The following RNF121 variants were observed in gnomAD, a reference collection of about 807,000 sequenced individuals.
The protein encoded by RNF121 is E3 ubiquitin ligase RNF121.
Under a neutral mutation model 46.5 loss-of-function variants are expected in RNF121, and 21 were observed. The ratio of observed to expected loss-of-function variants is 0.45; its 90% CI spans 0.32 to 0.65. The LOEUF (loss-of-function observed/expected upper bound fraction) is 0.65. Among genes scored for constraint, RNF121 ranks in the 30% least tolerant of loss-of-function variants. RNF121 has a pLI of 0.04. For missense variants in RNF121, 346 were observed against 416.0 expected (o/e 0.83, Z 1.46); for synonymous variants, 139 against 144.7 (o/e 0.96, Z 0.28).
Position 71,982,818 on chromosome 11 carries a change from T to C in RNF121, c.301T>C (p.Trp101Arg), listed in dbSNP as rs1197960005. Residue 101 changes from tryptophan to arginine, a missense_variant, in exon 4 of 9, where the codon TGG (tryptophan) becomes CGG (arginine). Trp to Arg is a moderately radical substitution (Grantham distance 101, BLOSUM62 -3). This residue lies in a region of RNF121 where 286 missense variants were observed against 383.8 expected (regional missense o/e 0.75). Transcript: ENST00000361756. The stretch of plus-strand genomic sequence containing the variant: ...CCTCTATTTCACAGTGAAGCTGCAC[T>C]GGTGGAGGTTCCTAGTGATCTGGAT... ...VPLYFTVKLH[W>R]WRFLVIWILF... is the part of the protein sequence containing the mutation. 4 of 1,613,728 alleles carry C rather than the reference T, an allele frequency of 2.5e-6. No individual in the cohort carries two copies. The highest frequency in any genetic ancestry group is 3.4e-6 in the Non-Finnish European group (4 of 1,179,876).
intron 1 of RNF121, among the ~76,000 whole-genome samples, chr11:71,941,404 T>A (rs544795903): frequency 6.6e-6 from 1 of 152,390 alleles, no homozygotes. Context: ...GTATTAATTA[T>A]TCATTATTTC....
intron 3 of RNF121, among the ~76,000 whole-genome samples, chr11:71,963,673 T>C (rs1590792261): frequency 6.6e-6 from 1 of 152,176 alleles, no homozygotes; most frequent in East Asian, 1.9e-4. Flanking sequence ...TTGGTCCATT[T>C]TGAGTTTTTG....
intron 1 of RNF121, among the ~76,000 whole-genome samples, chr11:71,946,051 C>T (rs1195971087): frequency 1.3e-5 from 2 of 151,716 alleles, no homozygotes; most frequent in African/African-American, 4.8e-5. Flanking sequence ...GTTGAGGCTG[C>T]AGTGAGTTAT....
chr11:71,929,517 C>T (rs760284394), intron 1 of RNF121, among the ~76,000 whole-genome samples: 3 of 151,830 alleles, frequency 2.0e-5, no homozygotes, highest in African/African-American at 7.3e-5. Flanking sequence ...CTGTCTAAGC[C>T]TAGGGTGGGG....
At chr11:71,931,130 C>T (rs1356225146) in intron 1 of RNF121, among the ~76,000 whole-genome samples, 4 of 152,110 alleles carry the variant, frequency 2.6e-5, no homozygotes, top group African/African-American at 9.7e-5. Flanking sequence ...TCACCGCGCC[C>T]GGCTAAGAAA....
At position 71,929,245 on chromosome 11, in the gene RNF121, T is replaced by C. The variant is rs918785957; in HGVS notation, c.63+121T>C. 9.8e-6 allele frequency: 14 copies of C among 1,429,602 alleles called. No individual in the cohort carries two copies. In the African/African-American group the frequency reaches 1.9e-4, roughly 19 times the overall value. The allele number at this position is 1,429,602 out of a possible 1,614,324, so 88.6% of individuals were successfully genotyped here. On this transcript the variant is annotated intron_variant, in intron 1 of 8. Transcript: ENST00000361756. The stretch of plus-strand genomic sequence containing the variant: ...AGATCCTGAGAGGGAAGGAGCTGAC[T>C]AGGGGGCGGGTGCGTGGAGAGCGAA...
At chr11:71,953,156 C>T (rs1953922094) in intron 1 of RNF121, among the ~76,000 whole-genome samples, 1 of 152,200 alleles carries the variant, frequency 6.6e-6, no homozygotes, top group South Asian at 2.1e-4. Flanking sequence ...GCCTTAGCCT[C>T]CCAAGTAGCT....
chr11:71,929,201 G>A (rs781441390), intron 1 of RNF121, 77 bp downstream of exon 1: 229 of 1,498,200 alleles, frequency 1.5e-4, no homozygotes, highest in Non-Finnish European at 2.0e-4. Flanking sequence ...GGAGGTGGGG[G>A]TCTTAGGAGA....
chr11:71,944,086 C>T (rs890844499), intron 1 of RNF121, among the ~76,000 whole-genome samples: 1 of 152,150 alleles, frequency 6.6e-6, no homozygotes, highest in African/African-American at 2.4e-5. Context: ...AATCCCAGCA[C>T]TTTGGGAGGC....
At chr11:71,934,941 CTTTTTTTTTT>C (rs34428026) in intron 1 of RNF121, among the ~76,000 whole-genome samples, 1 of 135,366 alleles carries the variant, frequency 7.4e-6, no homozygotes, top group Non-Finnish European at 1.6e-5. Context: ...CAAATGCATT[CTTTTTTTTTT>C]TTTTTTTTTT....
intron 1 of RNF121, among the ~76,000 whole-genome samples, chr11:71,954,092 A>G (rs989958661): frequency 6.6e-6 from 1 of 152,174 alleles, no homozygotes; most frequent in Non-Finnish European, 1.5e-5. Context: ...TTATCTTGAG[A>G]GCCTTACCTA....
intron 2 of RNF121, among the ~76,000 whole-genome samples, chr11:71,958,464 T>A (rs565762286): frequency 6.6e-6 from 1 of 152,358 alleles, no homozygotes; most frequent in African/African-American, 2.4e-5. Flanking sequence ...GATAGATTTT[T>A]TTTTTGTCTC....
chr11:71,959,861 C>A (rs1346752131), intron 2 of RNF121, among the ~76,000 whole-genome samples: 3 of 152,150 alleles, frequency 2.0e-5, no homozygotes, highest in Non-Finnish European at 4.4e-5. Context: ...ATCGTTAACT[C>A]CTGACCTCAC....
chr11:71,929,196 TG>T (rs1203106692), intron 1 of RNF121, 72 bp downstream of exon 1: 64 of 1,501,802 alleles, frequency 4.3e-5, no homozygotes, highest in Admixed American at 1.1e-4. Flanking sequence ...TATCGGGAGG[TG>T]GGGGTCTTAG....
chr11:71,984,280 A>G (rs1590810224), intron 4 of RNF121, among the ~76,000 whole-genome samples: 1 of 152,262 alleles, frequency 6.6e-6, no homozygotes, highest in East Asian at 1.9e-4. Context: ...AATAGTAACT[A>G]CTAGCTTTTT....
At chr11:71,950,765 G>A (rs757517118) in intron 1 of RNF121, among the ~76,000 whole-genome samples, 1 of 151,342 alleles carries the variant, frequency 6.6e-6, no homozygotes, top group Non-Finnish European at 1.5e-5. Context: ...CCATTCCCCT[G>A]CCTCAGCCTC....
chr11:71,929,251 G>A, intron 1 of RNF121, 127 bp downstream of exon 1: 1 of 1,428,746 alleles, frequency 7.0e-7, no homozygotes, highest in Non-Finnish European at 9.3e-7. Context: ...TGACTAGGGG[G>A]CGGGTGCGTG....
chr11:71,956,736 T>C (rs894732875), intron 1 of RNF121, among the ~76,000 whole-genome samples: 4 of 152,230 alleles, frequency 2.6e-5, no homozygotes, highest in Non-Finnish European at 5.9e-5. Context: ...CTATGCAATT[T>C]TATTCCTTCC....
intron 1 of RNF121, among the ~76,000 whole-genome samples, chr11:71,948,009 T>G (rs1475543684): frequency 1.3e-5 from 2 of 152,186 alleles, no homozygotes; most frequent in Admixed American, 1.3e-4. Context: ...AGTTCTGTTC[T>G]GAAAGATTCT....
Sources: gnomAD v4.1 joint callset for allele counts (sites outside exome capture counted in the v4.1 genomes callset) on GRCh38, gnomAD v4.1.1 for gene constraint, gnomAD v4.1.1 regional missense constraint, MANE v1.5 for transcripts, NCBI Gene and HGNC (gene_info 2026-07-23, HGNC 2026-07-21) for gene names.